The following NCOR2 variants were observed in gnomAD, a reference collection of about 807,000 sequenced individuals.
NCOR2 encodes the protein CTG repeat protein 26.
Under a neutral mutation model 262.9 loss-of-function variants are expected in NCOR2, and 81 were observed. That is an observed-to-expected ratio of 0.31 (90% CI 0.26 to 0.37). NCOR2 has a LOEUF of 0.37. Among genes scored for constraint, NCOR2 ranks in the 10% least tolerant of loss-of-function variants. The pLI, the probability that NCOR2 is intolerant of heterozygous loss-of-function variation, is 1.00. For synonymous variants in NCOR2, 1,659 were observed against 1,559.3 expected (o/e 1.06, Z -1.51); for missense variants, 3,385 against 3,621.4 (o/e 0.93, Z 1.68).
At chr12:124,526,594 C>T (rs1414205664) in intron 1 of NCOR2, among the ~76,000 whole-genome samples, 2 of 152,198 alleles carry the variant, frequency 1.3e-5, no homozygotes, top group Non-Finnish European at 2.9e-5. Context: ...TGTCCATGCC[C>T]AGCACATGCT....
intron 1 of NCOR2, among the ~76,000 whole-genome samples, chr12:124,534,210 A>C (rs1389047654): frequency 6.6e-6 from 1 of 152,116 alleles, no homozygotes; most frequent in Non-Finnish European, 1.5e-5. Context: ...TCATCCCAGC[A>C]CTTTGGGAGG....
Position 124,400,678 on chromosome 12 carries a change from A to G in NCOR2, c.1641-5T>C, listed in dbSNP as rs1284351109. 1.2e-6 allele frequency: 2 copies of G among 1,612,928 alleles called. No individual in the cohort carries two copies. The highest frequency in any genetic ancestry group is 1.7e-6 in the Non-Finnish European group (2 of 1,179,120). ...GAGGTGTCGTCTGTCTTCTCCCTAC[A>G]GGCCAGAGAGGGGAGATAGGATGGC... On this transcript the variant is annotated splice_polypyrimidine_tract_variant and splice_region_variant and intron_variant, in intron 14 of 46. Coordinates refer to ENST00000405201, the Ensembl canonical transcript of NCOR2.
At chr12:124,433,870 ACACAC>A (rs1565940326) in intron 8 of NCOR2, among the ~76,000 whole-genome samples, 2 of 64,360 alleles carry the variant, frequency 3.1e-5, no homozygotes, top group Non-Finnish European at 6.2e-5. Flanking sequence ...ACACACACAC[ACACAC>A]ACACACACAC....
At position 124,549,804 on chromosome 12, in the gene NCOR2, G is replaced by T. The variant is rs10846684; in HGVS notation, c.-164-14193C>A. On this transcript the variant is annotated intron_variant, in intron 1 of 32. Transcript: ENST00000458234. This position sits in a 1 kb window ranked among gnomAD's most constrained non-coding sequence, Gnocchi z 4.4. ...CGGAGGGAGAGAGGGCGGCAGGAAC[G>T]GGGCCTTGAGTCACCACCCTATCCC... Among the ~76,000 whole-genome samples the T allele has an allele frequency of 1.3e-5, 2 of 152,054 alleles. No homozygotes were observed. Among genetic ancestry groups the T allele is most frequent in the Non-Finnish European group, 2.9e-5 (2 of 67,988 alleles).
intron 20 of NCOR2, among the ~76,000 whole-genome samples, chr12:124,368,840 G>C (rs1278556839): frequency 6.6e-6 from 1 of 152,266 alleles, no homozygotes; most frequent in Non-Finnish European, 1.5e-5. Flanking sequence ...CCTGGAGTCA[G>C]GGCCTTGTCT....
intron 1 of NCOR2, among the ~76,000 whole-genome samples, chr12:124,552,603 G>A (rs1594062281): frequency 1.3e-5 from 2 of 152,306 alleles, no homozygotes; most frequent in Middle Eastern, 6.8e-3. Context: ...GAAATCACAG[G>A]CTCTGTGGGG....
intron 2 of NCOR2, among the ~76,000 whole-genome samples, chr12:124,484,829 G>A (rs936419316): frequency 1.3e-5 from 2 of 152,150 alleles, no homozygotes; most frequent in African/African-American, 2.4e-5. Context: ...ATGAATGAAC[G>A]CAGGGTGGTT....
intron 20 of NCOR2, among the ~76,000 whole-genome samples, chr12:124,370,179 C>T (rs1350092551): frequency 2.0e-5 from 3 of 152,228 alleles, no homozygotes; most frequent in Non-Finnish European, 4.4e-5. Context: ...CACTGTTTTC[C>T]AAGCTGGGAC....
At chr12:124,339,893 G>GGCCCCC in intron 37 of NCOR2, 113 bp downstream of exon 39, 3 of 565,996 alleles carry the variant, frequency 5.3e-6, no homozygotes, top group Non-Finnish European at 6.1e-6. Context: ...CCACACATCT[G>GGCCCCC]CCCACCCACC....
At position 124,344,736 on chromosome 12, in the gene NCOR2, G is replaced by A. The variant is rs759739869; in HGVS notation, c.4575C>T (p.Gly1525=). The change falls in exon 32 of 47, where the codon GGC becomes GGT. Residue 1525 remains glycine (G), a synonymous_variant. Coordinates refer to ENST00000405201, the Ensembl canonical transcript of NCOR2. ...CCAGCTCAGGCACAATGACCGGGGC[G>A]CCGCGCGCAATGGAGCCCCCCGAGC... The A allele has an allele frequency of 5.4e-5, 84 of 1,544,226 alleles. No individual in the cohort carries two copies. In the Admixed American group the frequency reaches 1.1e-3, roughly 20 times the overall value.
chr12:124,336,952 G>C, exon 38 of NCOR2: 1 of 1,537,886 alleles, frequency 6.5e-7, no homozygotes, highest in Non-Finnish European at 8.7e-7. Context: ...AGCCCTTGCT[G>C]GGGGAGGAGG....
exon 34 of NCOR2, chr12:124,342,032 G>A (rs775170362): frequency 6.2e-7 from 1 of 1,612,544 alleles, no homozygotes; most frequent in Admixed American, 1.7e-5. Context: ...GTGCGGGTAG[G>A]TGGGGTTGGG....
At chr12:124,448,289 C>G (rs2045307962) in intron 7 of NCOR2, among the ~76,000 whole-genome samples, 3 of 152,244 alleles carry the variant, frequency 2.0e-5, no homozygotes, top group Non-Finnish European at 4.4e-5. Flanking sequence ...CCACCCCAGA[C>G]AGGGGCCCCA....
intron 16 of NCOR2, among the ~76,000 whole-genome samples, chr12:124,390,655 G>C (rs914821761): frequency 6.6e-6 from 1 of 152,174 alleles, no homozygotes; most frequent in African/African-American, 2.4e-5. Context: ...GGAAGAGGGG[G>C]CTGTGCGTTT....
intron 19 of NCOR2, among the ~76,000 whole-genome samples, chr12:124,373,157 T>A (rs1257877592): frequency 2.0e-5 from 3 of 152,256 alleles, no homozygotes; most frequent in African/African-American, 7.2e-5. Flanking sequence ...TGCACCACCA[T>A]CGCCACCATC....
chr12:124,438,304 CCCACGGAAAGATGG>C (rs1459735185), intron 7 of NCOR2, among the ~76,000 whole-genome samples: 2 of 152,176 alleles, frequency 1.3e-5, no homozygotes, highest in Non-Finnish European at 2.9e-5. Context: ...GCCACATCTG[CCCACGGAAAGATGG>C]CCACGGAGAA....
chr12:124,430,731 C>T (rs1400302999), exon 9 of NCOR2: 1 of 1,614,046 alleles, frequency 6.2e-7, no homozygotes, highest in Admixed American at 1.7e-5. Context: ...CGATGCGCTC[C>T]ACCTTCTTCT....
intron 12 of NCOR2, among the ~76,000 whole-genome samples, chr12:124,420,389 C>G (rs1254374443): frequency 6.6e-6 from 1 of 152,200 alleles, no homozygotes; most frequent in Non-Finnish European, 1.5e-5. Context: ...CTGACGTCGC[C>G]ATGTCACCCC....
chr12:124,402,208 C>G (rs2042020939), intron 14 of NCOR2, among the ~76,000 whole-genome samples, 196 bp downstream of exon 16: 1 of 151,930 alleles, frequency 6.6e-6, no homozygotes, highest in Non-Finnish European at 1.5e-5. Flanking sequence ...GAGGGGGGAG[C>G]CAGGGAGGAG....
Sources: gnomAD v4.1 joint callset for allele counts (sites outside exome capture counted in the v4.1 genomes callset) on GRCh38, gnomAD v4.1.1 for gene constraint, Gnocchi (gnomAD v3.1) non-coding constraint, MANE v1.5 for transcripts, NCBI Gene and HGNC (gene_info 2026-07-23, HGNC 2026-07-21) for gene names.